The following VPS13C variants were observed in gnomAD, a reference collection of about 807,000 sequenced individuals.
VPS13C encodes the protein vacuolar protein sorting 13 homolog C.
VPS13C carries 358 observed loss-of-function variants against 456.8 expected under a neutral mutation model. The observed-to-expected ratio is 0.78, with a 90% CI of 0.72 to 0.86. The LOEUF (loss-of-function observed/expected upper bound fraction) is 0.86. Ranked by LOEUF, VPS13C falls within the 40% of genes least tolerant of loss-of-function variation. The pLI, the probability that VPS13C is intolerant of heterozygous loss-of-function variation, is 0.00. For synonymous variants in VPS13C, 1,578 were observed against 1,486.7 expected (o/e 1.06, Z -1.41); for missense variants, 4,818 against 4,385.4 (o/e 1.10, Z -2.79).
At chr15:61,999,940 T>C (rs1354493665) in intron 16 of VPS13C, among the ~76,000 whole-genome samples, 1 of 145,878 alleles carries the variant, frequency 6.9e-6, no homozygotes. Context: ...AAAGCATAAA[T>C]ACGCAGGTAT....
rs143626365 is a variant in VPS13C at position 61,894,599 on chromosome 15, A to G, written c.9106-4199T>C. Among the ~76,000 whole-genome samples, 1,172 of 152,282 alleles carry G rather than the reference A, an allele frequency of 7.7e-3. 12 individuals are homozygous for G. The highest frequency in any genetic ancestry group is 0.027 in the African/African-American group (1,108 of 41,562). On this transcript the variant is annotated intron_variant, in intron 66 of 84. Coordinates refer to ENST00000644861, the MANE Select transcript of VPS13C (RefSeq NM_020821.3). ...AGTAGGAGTAGCTATGCTTAGTTAC[A>G]TCAAATAAAATAGATTTCAAGGCTA...
chr15:61,890,260 C>T lies in VPS13C; in HGVS notation c.9246G>A (p.Gln3082=), dbSNP rs2042609340. 6.2e-7 allele frequency: 1 copy of T among 1,613,910 alleles called. No individual in the cohort carries two copies. The highest frequency in any genetic ancestry group is 1.1e-5 in the South Asian group (1 of 91,078). ...GAGACAAGGTTATTTCATAATCAGC[C>T]TGTTCCATTTCTTCTGCCTGCAGTG... The part of the protein sequence containing the change: ...SKALQAEEME[Q]ADYEITLSLH... The change falls in exon 67 of 85, where the codon CAG becomes CAA. Residue 3082 remains glutamine (Q), a synonymous_variant. Coordinates refer to ENST00000644861, the MANE Select transcript of VPS13C (RefSeq NM_020821.3).
chr15:61,921,896 A>G (rs1464976962), intron 55 of VPS13C, 51 bp downstream of exon 55: 4 of 1,564,030 alleles, frequency 2.6e-6, no homozygotes, highest in Non-Finnish European at 3.5e-6. Flanking sequence ...AAAACTATGA[A>G]TGAATATGCA....
At chr15:62,018,990 T>C (rs2047360326) in intron 9 of VPS13C, among the ~76,000 whole-genome samples, 1 of 152,208 alleles carries the variant, frequency 6.6e-6, no homozygotes, top group African/African-American at 2.4e-5. Flanking sequence ...ATTCAGAGAT[T>C]CAACTTCTTC....
chr15:61,991,697 CCTTTTT>C lies in VPS13C; in HGVS notation c.1453_1458del (p.Lys485_Lys486del). On this transcript the variant is annotated inframe_deletion, in exon 17 of 85. Coordinates refer to ENST00000644861, the MANE Select transcript of VPS13C (RefSeq NM_020821.3). ...CTTTCAGGAATCAATGATTCTTCGT[CCTTTTT>C]CTTAGACTCTTTCTTACCCCACAAC... 2 of 1,612,180 alleles carry C rather than the reference CCTTTTT, an allele frequency of 1.2e-6. No individual in the cohort carries two copies. The highest frequency in any genetic ancestry group is 2.2e-5 in the South Asian group (2 of 90,608).
intron 36 of VPS13C, among the ~76,000 whole-genome samples, chr15:61,958,931 T>G (rs2045101482): frequency 6.6e-6 from 1 of 152,050 alleles, no homozygotes; most frequent in Non-Finnish European, 1.5e-5. Context: ...AGAAAACCAG[T>G]GTAATTTATC....
intron 66 of VPS13C, among the ~76,000 whole-genome samples, chr15:61,893,413 T>C (rs541356488): frequency 6.6e-6 from 1 of 151,998 alleles, no homozygotes; most frequent in Admixed American, 6.5e-5. Flanking sequence ...GACAGAGAGA[T>C]AAAGTTTTTA....
At chr15:61,955,419 A>G (rs1009520905) in intron 37 of VPS13C, among the ~76,000 whole-genome samples, 1 of 152,162 alleles carries the variant, frequency 6.6e-6, no homozygotes, top group African/African-American at 2.4e-5. Context: ...TCATTAAGTT[A>G]GTTATTACCA....
intron 1 of VPS13C, among the ~76,000 whole-genome samples, chr15:62,059,552 C>A (rs779836837): frequency 1.6e-4 from 24 of 152,184 alleles, no homozygotes; most frequent in Non-Finnish European, 2.9e-4. Flanking sequence ...GGCATAAATT[C>A]CTGAGCATGC....
chr15:61,854,511 T>A lies in VPS13C; in HGVS notation c.11208A>T (p.Gln3736His), dbSNP rs1279575468. 5.0e-6 allele frequency: 8 copies of A among 1,614,060 alleles called. No individual in the cohort carries two copies. In the African/African-American group the frequency reaches 1.1e-4, roughly 22 times the overall value. Residue 3736 changes from glutamine to histidine, a missense_variant, in exon 85 of 85, where the codon CAA becomes CAT. Transcript: ENST00000644861. ...TCACTGATGACTGCTTCATCAATTTTTGCTGCTGTCTCGTTGACTGTGCAT... is the reference window on the plus strand; with the variant it reads ...TCACTGATGACTGCTTCATCAATTTATGCTGCTGTCTCGTTGACTGTGCAT... Reference protein sequence around the residue: ...IEDAQSTRQQQKLMKQSSVRL... With the variant: ...IEDAQSTRQQHKLMKQSSVRL...
chr15:61,896,590 C>T (rs979636287), intron 66 of VPS13C, among the ~76,000 whole-genome samples: 6 of 152,052 alleles, frequency 3.9e-5, no homozygotes, highest in Non-Finnish European at 7.4e-5. Context: ...GCACCTGGCT[C>T]GGAGGGTCCT....
intron 1 of VPS13C, among the ~76,000 whole-genome samples, chr15:62,054,008 T>C (rs900021837): frequency 1.4e-4 from 22 of 152,192 alleles, no homozygotes; most frequent in Non-Finnish European, 2.1e-4. Flanking sequence ...GAGTTCCGAG[T>C]ACTGGAGGAT....
intron 38 of VPS13C, among the ~76,000 whole-genome samples, chr15:61,953,646 C>T (rs979942300): frequency 1.3e-5 from 2 of 151,986 alleles, no homozygotes; most frequent in Admixed American, 1.3e-4. Flanking sequence ...CACTGTTGGA[C>T]ATTTGGGTTG....
intron 3 of VPS13C, 102 bp downstream of exon 3, chr15:62,041,222 T>A (rs1369011855): frequency 8.1e-7 from 1 of 1,231,210 alleles, no homozygotes. Context: ...CAAAAAAAAA[T>A]CTCTCACACT....
intron 65 of VPS13C, among the ~76,000 whole-genome samples, chr15:61,908,302 A>G (rs1016210506): frequency 2.0e-5 from 3 of 152,024 alleles, no homozygotes; most frequent in African/African-American, 7.2e-5. Context: ...ACAAATTTAC[A>G]TATATACATA....
intron 24 of VPS13C, among the ~76,000 whole-genome samples, chr15:61,975,795 G>A (rs1009956437): frequency 1.3e-5 from 2 of 151,882 alleles, no homozygotes; most frequent in Non-Finnish European, 2.9e-5. Flanking sequence ...GAAAAGCAAA[G>A]ACCAATATCC....
At position 61,867,426 on chromosome 15, in the gene VPS13C, A is replaced by G; in HGVS notation, c.10863+1233T>C. 1 of 986,456 alleles carries G rather than the reference A, an allele frequency of 1.0e-6. No homozygotes were observed. The highest frequency in any genetic ancestry group is 1.2e-6 in the Non-Finnish European group (1 of 830,702). The allele number at this position is 986,456 out of a possible 1,614,324, so 61.1% of individuals were successfully genotyped here. ...TAAGGGCAGGCTCAGAGCAACTGACAATTCAATTATTAAAGCAGATGCTCC... is the reference window on the plus strand; with the variant it reads ...TAAGGGCAGGCTCAGAGCAACTGACGATTCAATTATTAAAGCAGATGCTCC... On this transcript the variant is annotated intron_variant, in intron 81 of 84. Transcript: ENST00000644861. This position sits in a 1 kb window ranked among gnomAD's most constrained non-coding sequence, Gnocchi z 5.0.
At chr15:62,018,768 C>T (rs1476267967) in intron 9 of VPS13C, among the ~76,000 whole-genome samples, 3 of 152,030 alleles carry the variant, frequency 2.0e-5, no homozygotes, top group Non-Finnish European at 4.4e-5. Context: ...TGTGTCTCTG[C>T]CAGGCTTTGG....
rs115786180 is a variant in VPS13C, at chr15:61,987,522, C to T, written c.1579-2523G>A. 6.0e-3 allele frequency among the ~76,000 whole-genome samples: 908 copies of T among 152,020 alleles called. 7 individuals are homozygous for T. Among genetic ancestry groups the T allele is most frequent in the African/African-American group, 0.021 (852 of 41,524 alleles). On this transcript the variant is annotated intron_variant, in intron 18 of 84. Transcript: ENST00000644861. ...TAACTCACTATCACGACAACAGTATCGGAGAAACCAACCCCATGATTCAAT... is the reference window on the plus strand; with the variant it reads ...TAACTCACTATCACGACAACAGTATTGGAGAAACCAACCCCATGATTCAAT...
Sources: allele counts gnomAD v4.1 joint callset (sites outside exome capture counted in the v4.1 genomes callset), GRCh38; gene constraint gnomAD v4.1.1; non-coding constraint Gnocchi (gnomAD v3.1); transcripts MANE v1.5; gene names NCBI Gene and HGNC (gene_info 2026-07-23, HGNC 2026-07-21).